The following CCDC178 variants were observed in gnomAD, a reference collection of about 807,000 sequenced individuals.
CCDC178 encodes the protein coiled-coil domain-containing protein 178.
In CCDC178, 126 loss-of-function variants were observed where a neutral mutation model predicts 117.4. That is an observed-to-expected ratio of 1.07 (90% CI 0.93 to 1.24). The LOEUF is 1.24. Ranked by LOEUF, CCDC178 falls within the 50% of genes most tolerant of loss-of-function variation. CCDC178 has a pLI of 0.00. For missense variants in CCDC178, 1,030 were observed against 986.9 expected (o/e 1.04, Z -0.59); for synonymous variants, 283 against 313.4 (o/e 0.90, Z 1.02).
chr18:33,319,770 T>C (rs924606371), intron 11 of CCDC178, among the ~76,000 whole-genome samples: 1 of 152,246 alleles, frequency 6.6e-6, no homozygotes, highest in African/African-American at 2.4e-5. Context: ...GGTTTTGATT[T>C]GCATTTCTCT....
intron 11 of CCDC178, among the ~76,000 whole-genome samples, chr18:33,317,223 G>A (rs934719815): frequency 6.6e-6 from 1 of 152,040 alleles, no homozygotes; most frequent in Non-Finnish European, 1.5e-5. Context: ...GCGAAGGTCT[G>A]CAGCTTCACT....
chr18:33,039,150 A>T (rs945261979), intron 21 of CCDC178, among the ~76,000 whole-genome samples: 13 of 152,182 alleles, frequency 8.5e-5, no homozygotes, highest in African/African-American at 3.1e-4. Flanking sequence ...TAAACCATAT[A>T]ATTCTTCAAA....
intron 2 of CCDC178, among the ~76,000 whole-genome samples, chr18:33,419,918 T>A (rs969248657): frequency 1.3e-5 from 2 of 152,060 alleles, no homozygotes; most frequent in African/African-American, 4.8e-5. Context: ...TTCCTTCTTT[T>A]TTTTTTTCAC....
At chr18:32,962,294 G>T (rs2054720128) in intron 22 of CCDC178, among the ~76,000 whole-genome samples, 1 of 151,854 alleles carries the variant, frequency 6.6e-6, no homozygotes, top group Non-Finnish European at 1.5e-5. Flanking sequence ...TTTAATAAAT[G>T]AAGACAATAA....
At chr18:33,389,213 T>C (rs527643139) in intron 5 of CCDC178, among the ~76,000 whole-genome samples, 3 of 152,234 alleles carry the variant, frequency 2.0e-5, no homozygotes, top group South Asian at 4.1e-4. Context: ...TCTTCTTTCT[T>C]TTTCTTCTAA....
intron 20 of CCDC178, among the ~76,000 whole-genome samples, chr18:33,203,023 T>A (rs959629736): frequency 6.6e-6 from 1 of 152,136 alleles, no homozygotes; most frequent in Non-Finnish European, 1.5e-5. Flanking sequence ...CATTGCAAAA[T>A]TTCCATCTGG....
chr18:33,266,525 T>C (rs2059817138), intron 14 of CCDC178, among the ~76,000 whole-genome samples: 3 of 151,644 alleles, frequency 2.0e-5, no homozygotes, highest in African/African-American at 4.8e-5. Context: ...ACTTTTACAA[T>C]TATTTTGACT....
rs1311765588 is a variant in CCDC178, at chr18:33,439,962, C to T, written c.-23G>A. On this transcript the variant is annotated splice_region_variant and 5_prime_UTR_variant, in exon 2 of 23. Transcript: ENST00000383096. ...CAGCTCTGAATATCACTTTTCTCAC[C>T]TGTAAAGGGGAGGTGTTGGCGTGGA... is the stretch of plus-strand genomic sequence containing the variant. 6.6e-6 allele frequency: 1 copy of T among 152,150 alleles called. No homozygotes were observed. The highest frequency in any genetic ancestry group is 1.9e-4 in the East Asian group (1 of 5,180). The allele number at this position is 152,150 out of a possible 1,614,324, so 9.4% of individuals were successfully genotyped here. A position where few individuals can be genotyped will look rare whatever the true frequency, so the allele number is the denominator to read the frequency against.
chr18:33,237,261 A>C (rs2059435597), intron 15 of CCDC178, among the ~76,000 whole-genome samples: 1 of 152,112 alleles, frequency 6.6e-6, no homozygotes, highest in South Asian at 2.1e-4. Context: ...GGTCCTGCAC[A>C]TCATGGAAAC....
chr18:33,007,133 C>G (rs953746741), intron 21 of CCDC178, among the ~76,000 whole-genome samples: 4 of 151,974 alleles, frequency 2.6e-5, no homozygotes, highest in African/African-American at 9.7e-5. Flanking sequence ...TAAACTACTT[C>G]GGTATAGGAG....
chr18:33,026,647 A>C (rs1292937070), intron 21 of CCDC178, among the ~76,000 whole-genome samples: 4 of 151,988 alleles, frequency 2.6e-5, no homozygotes, highest in African/African-American at 9.7e-5. Flanking sequence ...CGTTTAAAGC[A>C]GTAGCTATGG....
rs139994783 is a variant in CCDC178 at position 33,418,271 on chromosome 18, T to C, written c.-22-6161A>G. 7.9e-3 allele frequency among the ~76,000 whole-genome samples: 1,208 copies of C among 152,288 alleles called. 5 individuals carry two copies. Among genetic ancestry groups the C allele is most frequent in the Middle Eastern group, 0.041 (12 of 294 alleles). On this transcript the variant is annotated intron_variant, in intron 2 of 22. Coordinates refer to ENST00000383096, the MANE Select transcript of CCDC178 (RefSeq NM_001105528.4). ...ATCTCAATAGATGCAGAAAAGGCTT[T>C]TGATAAGATTTAACATCCATTCATG... is the stretch of plus-strand genomic sequence containing the variant.
At chr18:33,202,112 T>A (rs1057302234) in intron 20 of CCDC178, among the ~76,000 whole-genome samples, 5 of 151,982 alleles carry the variant, frequency 3.3e-5, no homozygotes, top group African/African-American at 1.2e-4. Context: ...TAGTCTCTAC[T>A]GGCCGGGCGC....
intron 7 of CCDC178, among the ~76,000 whole-genome samples, chr18:33,351,368 T>A (rs1383480525): frequency 2.0e-5 from 3 of 152,080 alleles, no homozygotes; most frequent in African/African-American, 7.2e-5. Context: ...AATTTTTGTA[T>A]TTTTAGTAGA....
At chr18:33,165,076 G>T (rs1283993566) in intron 20 of CCDC178, among the ~76,000 whole-genome samples, 1 of 152,168 alleles carries the variant, frequency 6.6e-6, no homozygotes, top group Non-Finnish European at 1.5e-5. Flanking sequence ...TTGGAAGGAC[G>T]TCAAGCTCTC....
chr18:33,379,826 C>T (rs752456660), intron 5 of CCDC178, among the ~76,000 whole-genome samples: 3 of 152,064 alleles, frequency 2.0e-5, no homozygotes, highest in Non-Finnish European at 4.4e-5. Flanking sequence ...GCTCCAAATG[C>T]CTGGAGATCT....
intron 21 of CCDC178, among the ~76,000 whole-genome samples, chr18:32,995,503 C>A (rs951912138): frequency 6.6e-6 from 1 of 151,832 alleles, no homozygotes; most frequent in African/African-American, 2.4e-5. Flanking sequence ...ATAATAGAGG[C>A]CTAAATGAAA....
intron 21 of CCDC178, among the ~76,000 whole-genome samples, chr18:33,068,374 A>G (rs1219338819): frequency 1.3e-5 from 2 of 152,170 alleles, no homozygotes; most frequent in Admixed American, 6.5e-5. Context: ...AAATAAAGAA[A>G]ACTACAAGCC....
chr18:33,379,141 TATATATATAATATATATATTTCC>T (rs1261733323), intron 5 of CCDC178, among the ~76,000 whole-genome samples: 44 of 5,294 alleles, frequency 8.3e-3, no homozygotes, highest in East Asian at 0.028. Context: ...TATATTTCCA[TATATATATAATATATATATTTCC>T]ATATATATAA....
Sources: allele counts gnomAD v4.1 joint callset (sites outside exome capture counted in the v4.1 genomes callset), GRCh38; gene constraint gnomAD v4.1.1; transcripts MANE v1.5; gene names NCBI Gene and HGNC (gene_info 2026-07-23, HGNC 2026-07-21).